Variants in CLIC5 observed in about 807,000 individuals in gnomAD.
CLIC5 encodes the protein chloride intracellular channel protein 5.
CLIC5 carries 20 observed loss-of-function variants against 24.7 expected under a neutral mutation model. That is an observed-to-expected ratio of 0.81 (90% CI 0.57 to 1.18). The LOEUF is 1.18. Ranked by LOEUF, CLIC5 falls within the 50% of genes most tolerant of loss-of-function variation. The probability of loss-of-function intolerance (pLI) is 0.00; values close to 1 mark genes in which losing one functional copy is unlikely to be tolerated. For synonymous variants in CLIC5, 159 were observed against 135.6 expected, an observed-to-expected ratio of 1.17 and a Z score of -1.20; for missense variants, 341 against 326.1, an observed-to-expected ratio of 1.05 and a Z score of -0.35.
intron 1 of CLIC5, among the ~76,000 whole-genome samples, chr6:45,978,197 C>T (rs1340130457): frequency 6.6e-6 from 1 of 152,174 alleles, no homozygotes; most frequent in Non-Finnish European, 1.5e-5. Context: ...AATAACTGCT[C>T]AATAAACAGC....
intron 4 of CLIC5, among the ~76,000 whole-genome samples, chr6:45,925,318 T>A (rs909589687): frequency 3.0e-5 from 3 of 101,444 alleles, no homozygotes; most frequent in Non-Finnish European, 5.2e-5. Context: ...ATTATTCCGC[T>A]TTTTTTTTTT....
chr6:45,884,703 G>C (rs1263348499), intron 6 of CLIC5, among the ~76,000 whole-genome samples: 1 of 152,190 alleles, frequency 6.6e-6, no homozygotes. Context: ...AGATTGGGCA[G>C]TTACTGGTCA....
intron 1 of CLIC5, among the ~76,000 whole-genome samples, chr6:45,984,278 T>C (rs1765659716): frequency 6.6e-6 from 1 of 152,182 alleles, no homozygotes; most frequent in South Asian, 2.1e-4. Flanking sequence ...TCTCGAGTAC[T>C]TTCCAGGCCT....
upstream of CLIC5, among the ~76,000 whole-genome samples, chr6:46,084,996 C>G (rs1180780540): frequency 2.0e-5 from 3 of 152,128 alleles, no homozygotes; most frequent in Non-Finnish European, 4.4e-5. Context: ...TTTCTCTAAA[C>G]TTCCCTTCTC....
chr6:46,090,074 TAAA>T, the CLIC5 span, among the ~76,000 whole-genome samples: 15 of 152,266 alleles, frequency 9.9e-5, 1 homozygote, highest in African/African-American at 3.4e-4. Context: ...TTCCATTACT[TAAA>T]AACGACAACA....
chr6:46,107,188 A>G, the CLIC5 span, among the ~76,000 whole-genome samples: 1 of 151,930 alleles, frequency 6.6e-6, no homozygotes, highest in Non-Finnish European at 1.5e-5. Context: ...GCCTGGTTCT[A>G]TTGGTCAGAC....
At chr6:46,106,875 A>G in the CLIC5 span, among the ~76,000 whole-genome samples, 1 of 152,252 alleles carries the variant, frequency 6.6e-6, no homozygotes, top group African/African-American at 2.4e-5. Flanking sequence ...TTGCATTTAC[A>G]AAGGTACAGT....
At chr6:45,885,141 C>G (rs545562189) in intron 6 of CLIC5, among the ~76,000 whole-genome samples, 3 of 152,130 alleles carry the variant, frequency 2.0e-5, no homozygotes, top group African/African-American at 7.2e-5. Flanking sequence ...TGTTGAAATC[C>G]AAAGTCCAAT....
At chr6:45,937,320 C>T (rs1032792186) in intron 4 of CLIC5, 4 of 152,160 alleles carry the variant, frequency 2.6e-5, no homozygotes, top group Admixed American at 1.3e-4. Flanking sequence ...GTTACGAGGC[C>T]AGACACTGCG....
chr6:46,029,849 G>T (rs1767449393), intron 1 of CLIC5, among the ~76,000 whole-genome samples: 1 of 152,300 alleles, frequency 6.6e-6, no homozygotes, highest in African/African-American at 2.4e-5. Context: ...CAACAGTAAA[G>T]AATTGCACTG....
At chr6:46,098,161 C>T in the CLIC5 span, among the ~76,000 whole-genome samples, 1 of 152,156 alleles carries the variant, frequency 6.6e-6, no homozygotes, top group African/African-American at 2.4e-5. Context: ...AAAGGGACTG[C>T]AAGGAAAATA....
intron 1 of CLIC5, among the ~76,000 whole-genome samples, chr6:46,063,566 G>C (rs1268651986): frequency 6.6e-6 from 1 of 152,174 alleles, no homozygotes; most frequent in Non-Finnish European, 1.5e-5. Flanking sequence ...AGCTTAGAGA[G>C]CACTCTTGAG....
chr6:45,903,765 A>G lies in CLIC5; in HGVS notation c.589-510T>C, dbSNP rs184398738. 2.8e-4 allele frequency among the ~76,000 whole-genome samples: 42 copies of G among 152,328 alleles called. 1 individual carries two copies. In the East Asian group the frequency reaches 6.0e-3, roughly 22 times the overall value. ...TTGGAGAAACATGTATGATGGCTAGATGTCTATATACCTATATATTACCAG... is the reference window on the plus strand; with the variant it reads ...TTGGAGAAACATGTATGATGGCTAGGTGTCTATATACCTATATATTACCAG... On this transcript the variant is annotated intron_variant, in intron 5 of 5. Coordinates refer to ENST00000339561, the MANE Select transcript of CLIC5 (RefSeq NM_016929.5).
the CLIC5 span, among the ~76,000 whole-genome samples, chr6:46,091,088 T>G: frequency 6.6e-6 from 1 of 152,226 alleles, no homozygotes; most frequent in Non-Finnish European, 1.5e-5. Context: ...TTGGGGATGC[T>G]GCCTGATTCA....
At chr6:45,997,814 G>T (rs1366023445) in intron 1 of CLIC5, among the ~76,000 whole-genome samples, 1 of 152,244 alleles carries the variant, frequency 6.6e-6, no homozygotes, top group Non-Finnish European at 1.5e-5. Flanking sequence ...CACAATGAAA[G>T]TGGCTAATGT....
intron 1 of CLIC5, among the ~76,000 whole-genome samples, chr6:46,008,570 A>G (rs1766684205): frequency 6.6e-6 from 1 of 152,168 alleles, no homozygotes; most frequent in African/African-American, 2.4e-5. Flanking sequence ...CAGCTTTCAC[A>G]GAGCCTGGCA....
chr6:46,016,690 C>G (rs564411170), upstream of CLIC5, among the ~76,000 whole-genome samples: 1 of 152,140 alleles, frequency 6.6e-6, no homozygotes, highest in Non-Finnish European at 1.5e-5. Flanking sequence ...ATGTAACGAG[C>G]GCCAGATGAA....
chr6:46,022,732 C>T (rs1261069740), intron 1 of CLIC5, among the ~76,000 whole-genome samples: 1 of 152,204 alleles, frequency 6.6e-6, no homozygotes, highest in East Asian at 1.9e-4. Context: ...TTGTCAAAAA[C>T]CATCACTCAT....
intron 3 of CLIC5, among the ~76,000 whole-genome samples, chr6:45,945,098 T>A (rs1764248063): frequency 6.6e-6 from 1 of 152,170 alleles, no homozygotes; most frequent in Non-Finnish European, 1.5e-5. Flanking sequence ...AGACCTAAGG[T>A]CACCAATTGT....
Sources: allele counts gnomAD v4.1 joint callset (sites outside exome capture counted in the v4.1 genomes callset), GRCh38; gene constraint gnomAD v4.1.1; transcripts MANE v1.5; gene names NCBI Gene and HGNC (gene_info 2026-07-23, HGNC 2026-07-21).